Variants in PAX9 observed in about 807,000 individuals in gnomAD.
PAX9 encodes the protein paired box 9.
In PAX9, 6 loss-of-function variants were observed where a neutral mutation model predicts 29.1. The ratio of observed to expected loss-of-function variants is 0.21; its 90% CI spans 0.11 to 0.41. PAX9 has a LOEUF of 0.41. Ranked by LOEUF, PAX9 falls within the 10% of genes least tolerant of loss-of-function variation. The pLI, the probability that PAX9 is intolerant of heterozygous loss-of-function variation, is 1.00. For synonymous variants in PAX9, 217 were observed against 211.7 expected (o/e 1.03, Z -0.22); for missense variants, 443 against 479.1 (o/e 0.92, Z 0.70).
intron 3 of PAX9, among the ~76,000 whole-genome samples, chr14:36,667,368 A>G (rs1235752399): frequency 1.3e-5 from 2 of 151,854 alleles, no homozygotes; most frequent in East Asian, 1.9e-4. Context: ...CACCACAACA[A>G]AAGCCCCAGA....
At position 36,661,947 on chromosome 14, in the gene PAX9, G is replaced by C; in HGVS notation, c.-143G>C. 3 of 932,902 alleles carry C rather than the reference G, an allele frequency of 3.2e-6. No homozygotes were observed. Among genetic ancestry groups the C allele is most frequent in the Non-Finnish European group, 5.1e-6 (3 of 586,182 alleles). 57.8% of individuals were successfully genotyped at this position (932,902 alleles called of 1,614,324 possible). Reference sequence around the variant, plus strand: ...AGACTTCCTTTTACTTCTTCCTTTTGCCCTCTCGCCTCCTCCTCCTGGGAA... The same window carrying C: ...AGACTTCCTTTTACTTCTTCCTTTTCCCCTCTCGCCTCCTCCTCCTGGGAA... On this transcript the variant is annotated 5_prime_UTR_variant, in exon 1 of 4. Transcript: ENST00000361487.
At position 36,661,920 on chromosome 14, in the gene PAX9, A is replaced by G. The variant is rs968447014; in HGVS notation, c.-170A>G. The G allele has an allele frequency of 6.4e-6, 5 of 779,542 alleles. No homozygotes were observed. Among genetic ancestry groups the G allele is most frequent in the African/African-American group, 5.2e-5 (3 of 58,130 alleles). The allele number at this position is 779,542 out of a possible 1,614,324, so 48.3% of individuals were successfully genotyped here. ...GAACTCAAGCCTCTTTCATCGGGGC[A>G]CAGACTTCCTTTTACTTCTTCCTTT... On this transcript the variant is annotated 5_prime_UTR_variant, in exon 1 of 4. Coordinates refer to ENST00000361487, the MANE Select transcript of PAX9 (RefSeq NM_001372076.1).
At chr14:36,666,696 G>C (rs1373783482) in intron 3 of PAX9, 95 bp downstream of exon 3, 3 of 1,456,856 alleles carry the variant, frequency 2.1e-6, no homozygotes, top group African/African-American at 1.4e-5. Flanking sequence ...AGCTTCCCGC[G>C]AGAGAAGCCC....
chr14:36,660,908 A>T (rs531579988), upstream of PAX9, among the ~76,000 whole-genome samples: 3 of 152,376 alleles, frequency 2.0e-5, no homozygotes, highest in African/African-American at 7.2e-5. Flanking sequence ...TCTGGAGCTT[A>T]ATGGAAGACG....
intron 3 of PAX9, among the ~76,000 whole-genome samples, chr14:36,672,521 T>C (rs553013714): frequency 6.6e-6 from 1 of 152,326 alleles, no homozygotes; most frequent in African/African-American, 2.4e-5. Flanking sequence ...CTTTTACTAA[T>C]GTTATGTGTC....
chr14:36,675,515 A>T (rs1193093978), intron 3 of PAX9, among the ~76,000 whole-genome samples: 1 of 152,254 alleles, frequency 6.6e-6, no homozygotes, highest in Non-Finnish European at 1.5e-5. Context: ...AACCAGGCAT[A>T]TGCAGTTCTT....
chr14:36,662,576 G>C, intron 1 of PAX9: 1 of 478,620 alleles, frequency 2.1e-6, no homozygotes, highest in Non-Finnish European at 3.7e-6. Flanking sequence ...AGGCGAGAAG[G>C]AGCACGTTCA....
At chr14:36,658,376 G>C (rs868582439), upstream of PAX9, among the ~76,000 whole-genome samples, 37 of 142,496 alleles carry the variant, frequency 2.6e-4, no homozygotes, top group East Asian at 1.4e-3. Context: ...CCTCGCTTGG[G>C]GGGGGGGGGT....
intron 3 of PAX9, among the ~76,000 whole-genome samples, chr14:36,667,785 A>G (rs1379672525): frequency 6.6e-6 from 1 of 152,214 alleles, no homozygotes; most frequent in Non-Finnish European, 1.5e-5. Context: ...CCTTTTCCTT[A>G]GTCTGTTTCT....
chr14:36,678,974 AC>A lies in PAX9; in HGVS notation c.*2523del, dbSNP rs1882048191. On this transcript the variant is annotated 3_prime_UTR_variant, in exon 4 of 4. Transcript: ENST00000361487. The stretch of plus-strand genomic sequence containing the variant: ...TAAAGATTATTATTGGTTAATGTTG[AC>A]ATATTTCCTCTATCTCATAGATGGT... 7 of 981,986 alleles carry A rather than the reference AC, an allele frequency of 7.1e-6. No individual in the cohort carries two copies. The highest frequency in any genetic ancestry group is 1.1e-4 in the East Asian group (1 of 8,764). The allele number at this position is 981,986 out of a possible 1,614,324, so 60.8% of individuals were successfully genotyped here.
chr14:36,659,684 G>T (rs1357005420), upstream of PAX9, among the ~76,000 whole-genome samples: 7 of 152,190 alleles, frequency 4.6e-5, no homozygotes, highest in Non-Finnish European at 7.4e-5. Context: ...ATCCGCAGCA[G>T]CTGAGGCCAC....
Position 36,661,983 on chromosome 14 carries a change from C to G in PAX9, c.-107C>G, listed in dbSNP as rs1881286062. On this transcript the variant is annotated 5_prime_UTR_variant, in exon 1 of 4. Transcript: ENST00000361487. Reference sequence around the variant, plus strand: ...TCCTCCTCCTGGGAAGAAGCGGAGGCGCCGGCGGTCGGCCGGGATAGCAAC... The same window carrying G: ...TCCTCCTCCTGGGAAGAAGCGGAGGGGCCGGCGGTCGGCCGGGATAGCAAC... 6.4e-6 allele frequency: 9 copies of G among 1,414,192 alleles called. No homozygotes were observed. In the South Asian group the frequency reaches 8.6e-5, roughly 14 times the overall value. The allele number at this position is 1,414,192 out of a possible 1,614,324, so 87.6% of individuals were successfully genotyped here.
intron 3 of PAX9, among the ~76,000 whole-genome samples, chr14:36,673,269 A>G (rs1881763138): frequency 6.6e-6 from 1 of 152,144 alleles, no homozygotes; most frequent in Non-Finnish European, 1.5e-5. Context: ...CTAAATAAAT[A>G]TTGTGGATTT....
intron 3 of PAX9, among the ~76,000 whole-genome samples, chr14:36,669,411 T>C (rs1881627563): frequency 6.6e-6 from 1 of 150,870 alleles, no homozygotes; most frequent in African/African-American, 2.4e-5. Context: ...GCTTATATTA[T>C]GGACAATAAC....
In PAX9 at chr14:36,678,335, G is replaced by A; in HGVS notation, c.*1883G>A. On this transcript the variant is annotated 3_prime_UTR_variant, in exon 4 of 4. Coordinates refer to ENST00000361487, the MANE Select transcript of PAX9 (RefSeq NM_001372076.1). Reference sequence around the variant, plus strand: ...GATATCTTATAGAGAGCTTTGAACTGCATTTATTTCTAAAGCAACCGAAAT... The same window carrying A: ...GATATCTTATAGAGAGCTTTGAACTACATTTATTTCTAAAGCAACCGAAAT... 1 of 688,806 alleles carries A rather than the reference G, an allele frequency of 1.5e-6. No homozygotes were observed. Among genetic ancestry groups the A allele is most frequent in the Non-Finnish European group, 2.5e-6 (1 of 403,396 alleles). The allele number at this position is 688,806 out of a possible 1,614,324, so 42.7% of individuals were successfully genotyped here.
chr14:36,662,433 G>C (rs1881311573), intron 1 of PAX9: 1 of 416,958 alleles, frequency 2.4e-6, no homozygotes, highest in Non-Finnish European at 4.2e-6. Context: ...GAAAAGAAAA[G>C]AAAACAAACA....
At chr14:36,671,513 T>C (rs1881692246) in intron 3 of PAX9, among the ~76,000 whole-genome samples, 1 of 152,150 alleles carries the variant, frequency 6.6e-6, no homozygotes, top group Non-Finnish European at 1.5e-5. Context: ...TGCCTACATT[T>C]TTGCTTTGTT....
chr14:36,667,240 TA>T (rs1215189287), intron 3 of PAX9, among the ~76,000 whole-genome samples: 2,057 of 152,150 alleles, frequency 0.014, 51 homozygotes, highest in African/African-American at 0.047. Context: ...AACCTCAAAT[TA>T]TACGGACTGG....
chr14:36,672,851 CCTT>C (rs1881739729), intron 3 of PAX9, among the ~76,000 whole-genome samples: 1 of 23,076 alleles, frequency 4.3e-5, no homozygotes, highest in African/African-American at 1.1e-4. Context: ...TTTCTTTCTT[CCTT>C]TTTTTTTTTT....
Sources: gnomAD v4.1 joint callset for allele counts (sites outside exome capture counted in the v4.1 genomes callset) on GRCh38, gnomAD v4.1.1 for gene constraint, MANE v1.5 for transcripts, NCBI Gene and HGNC (gene_info 2026-07-23, HGNC 2026-07-21) for gene names.